The following CAAP1 variants were observed in gnomAD, a reference collection of about 807,000 sequenced individuals.
The protein encoded by CAAP1 is conserved anti-apoptotic protein.
CAAP1 carries 20 observed loss-of-function variants against 34.0 expected under a neutral mutation model. The ratio of observed to expected loss-of-function variants is 0.59; its 90% confidence interval spans 0.41 to 0.86. The LOEUF (loss-of-function observed/expected upper bound fraction) is 0.86, where lower values mean the gene tolerates loss of function less well. Among genes scored for constraint, CAAP1 ranks in the 40% least tolerant of loss-of-function variants. The probability of loss-of-function intolerance (pLI) is 0.00; values close to 1 mark genes in which losing one functional copy is unlikely to be tolerated. For synonymous variants in CAAP1, 213 were observed against 166.7 expected, an observed-to-expected ratio of 1.28 and a Z score of -2.14; for missense variants, 538 against 450.5, an observed-to-expected ratio of 1.19 and a Z score of -1.76.
Position 26,887,507 on chromosome 9 carries a change from T to G in CAAP1, c.310A>C (p.Lys104Gln). 6.3e-7 allele frequency: 1 copy of G among 1,589,246 alleles called. No homozygotes were observed. The highest frequency in any genetic ancestry group is 8.6e-7 in the Non-Finnish European group (1 of 1,167,918). The change falls in exon 2 of 6, where the codon AAA (lysine) becomes CAA (glutamine). Residue 104 changes from lysine (K) to glutamine (Q), a missense_variant. Physicochemically the swap from Lys to Gln is moderately conservative, Grantham distance 53 (BLOSUM62 1). Transcript: ENST00000333916. Reference sequence around the variant, plus strand: ...TTTTCCAAAGTTGGCAAAATATATTTAGTTTCCTAAAGTTAAAAGAATAAA... The same window carrying G: ...TTTTCCAAAGTTGGCAAAATATATTGAGTTTCCTAAAGTTAAAAGAATAAA... ...SVSGSLQQET[K>Q]YILPTLEKEL...
intron 3 of CAAP1, among the ~76,000 whole-genome samples, chr9:26,885,572 A>T (rs1317403404): frequency 3.9e-5 from 6 of 152,086 alleles, no homozygotes; most frequent in Admixed American, 3.9e-4. Context: ...TTAAAGCTAA[A>T]ATCCTTGCAA....
chr9:26,877,630 G>A (rs1207931778), intron 4 of CAAP1, among the ~76,000 whole-genome samples: 1 of 152,042 alleles, frequency 6.6e-6, no homozygotes, highest in Non-Finnish European at 1.5e-5. Flanking sequence ...TTCTGGTGTT[G>A]TGGATGAAAA....
At chr9:26,891,717 T>G (rs904357128) in intron 1 of CAAP1, among the ~76,000 whole-genome samples, 7 of 152,098 alleles carry the variant, frequency 4.6e-5, no homozygotes, top group Non-Finnish European at 1.0e-4. Context: ...ACAGCTTAAG[T>G]GTAGGAACTT....
At chr9:26,844,769 C>T (rs1367441777) in intron 5 of CAAP1, among the ~76,000 whole-genome samples, 2 of 152,210 alleles carry the variant, frequency 1.3e-5, no homozygotes, top group Admixed American at 1.3e-4. Context: ...GATGAGAATA[C>T]TCTTGATTCC....
At chr9:26,891,579 A>G (rs1484235889) in intron 1 of CAAP1, among the ~76,000 whole-genome samples, 2 of 152,184 alleles carry the variant, frequency 1.3e-5, no homozygotes, top group Non-Finnish European at 2.9e-5. Flanking sequence ...AACAATACAA[A>G]AAAACCTGCA....
At chr9:26,873,888 G>A (rs778662051) in intron 4 of CAAP1, among the ~76,000 whole-genome samples, 4 of 151,652 alleles carry the variant, frequency 2.6e-5, no homozygotes, top group African/African-American at 4.8e-5. Context: ...ACCATTCCTC[G>A]CCTTTTTTCA....
chr9:26,861,208 C>A, intron 4 of CAAP1, 69 bp from the exon 5 acceptor site: 2 of 1,179,664 alleles, frequency 1.7e-6, no homozygotes, highest in East Asian at 2.4e-5. Context: ...ACCCAGGTTC[C>A]CAGAATTAAG....
At chr9:26,851,138 C>G (rs1822741169) in intron 5 of CAAP1, among the ~76,000 whole-genome samples, 1 of 152,190 alleles carries the variant, frequency 6.6e-6, no homozygotes, top group South Asian at 2.1e-4. Context: ...GATTAAGACA[C>G]AGGTTTTGCC....
At position 26,850,994 on chromosome 9, in the gene CAAP1, G is replaced by A. The variant is rs118100517; in HGVS notation, c.740-8347C>T. 2.8e-4 allele frequency among the ~76,000 whole-genome samples: 42 copies of A among 152,220 alleles called. 1 individual carries two copies. In the East Asian group the frequency reaches 7.1e-3, roughly 26 times the overall value. ...ACCAGCCTGTAAACTTGACTTTTAAGACTCACAAATCCATTAACTATCCCC... is the reference window on the plus strand; with the variant it reads ...ACCAGCCTGTAAACTTGACTTTTAAAACTCACAAATCCATTAACTATCCCC... On this transcript the variant is annotated intron_variant, in intron 5 of 5. Transcript: ENST00000333916.
At chr9:26,874,777 G>C (rs1416759439) in intron 4 of CAAP1, among the ~76,000 whole-genome samples, 1 of 151,972 alleles carries the variant, frequency 6.6e-6, no homozygotes, top group Non-Finnish European at 1.5e-5. Context: ...GCTATCTTAA[G>C]GTATGGTAAG....
intron 5 of CAAP1, among the ~76,000 whole-genome samples, chr9:26,842,953 T>A (rs1292588944): frequency 6.6e-6 from 1 of 152,208 alleles, no homozygotes; most frequent in African/African-American, 2.4e-5. Context: ...AACATTTTTA[T>A]CACAGTAAAG....
intron 4 of CAAP1, among the ~76,000 whole-genome samples, chr9:26,870,587 C>CGTGTGTGT (rs10598264): frequency 1.5e-5 from 2 of 135,186 alleles, no homozygotes; most frequent in African/African-American, 5.5e-5. Flanking sequence ...CACATATATA[C>CGTGTGTGT]GTGTGTGTGT....
intron 3 of CAAP1, among the ~76,000 whole-genome samples, chr9:26,885,690 T>A (rs1030257108): frequency 1.3e-4 from 20 of 152,236 alleles, no homozygotes; most frequent in African/African-American, 4.6e-4. Flanking sequence ...GTAAATTGCA[T>A]GGAAGTATTC....
At chr9:26,870,896 CG>C (rs1169573659) in intron 4 of CAAP1, among the ~76,000 whole-genome samples, 1 of 152,062 alleles carries the variant, frequency 6.6e-6, no homozygotes, top group Non-Finnish European at 1.5e-5. Context: ...GGATTACAGG[CG>C]TGAGCCACCG....
At chr9:26,853,660 G>A (rs1349805192) in intron 5 of CAAP1, among the ~76,000 whole-genome samples, 1 of 152,154 alleles carries the variant, frequency 6.6e-6, no homozygotes, top group African/African-American at 2.4e-5. Context: ...ATGGCTGCTG[G>A]CAATAATTCA....
intron 5 of CAAP1, among the ~76,000 whole-genome samples, chr9:26,850,040 G>A (rs180866705): frequency 3.3e-4 from 50 of 152,082 alleles, no homozygotes; most frequent in African/African-American, 8.0e-4. Context: ...GGGTTTCACC[G>A]TGTCATCCAG....
Position 26,841,148 on chromosome 9 carries a change from T to G in CAAP1, c.*1153A>C, listed in dbSNP as rs1822469616. On this transcript the variant is annotated 3_prime_UTR_variant, in exon 6 of 6. Coordinates refer to ENST00000333916, the MANE Select transcript of CAAP1 (RefSeq NM_024828.4). ...GCTAATAAAACACAATCCCTGCAAC[T>G]TTTATATATAAGGAAAGTCCTCATA... The G allele has an allele frequency of 6.6e-6, 1 of 152,144 alleles. No individual in the cohort carries two copies. 9.4% of individuals were successfully genotyped at this position (152,144 alleles called of 1,614,324 possible). A position where few individuals can be genotyped will look rare whatever the true frequency, so the allele number is the denominator to read the frequency against.
intron 1 of CAAP1, 45 bp downstream of exon 1, chr9:26,892,368 A>T: frequency 1.9e-6 from 3 of 1,595,812 alleles, no homozygotes; most frequent in Non-Finnish European, 2.6e-6. Context: ...ACTTCTTCCG[A>T]AAAAGCAGCA....
At chr9:26,868,097 A>G (rs147288096) in intron 4 of CAAP1, among the ~76,000 whole-genome samples, 24 of 152,346 alleles carry the variant, frequency 1.6e-4, no homozygotes, top group African/African-American at 4.1e-4. Flanking sequence ...TTGAAAGTCA[A>G]TAAGAGTTAT....
Sources: allele counts gnomAD v4.1 joint callset (sites outside exome capture counted in the v4.1 genomes callset), GRCh38; gene constraint gnomAD v4.1.1; transcripts MANE v1.5; gene names NCBI Gene and HGNC (gene_info 2026-07-23, HGNC 2026-07-21).